The following ZFYVE16 variants were observed in gnomAD, a reference collection of about 807,000 sequenced individuals.
ZFYVE16 encodes zinc finger FYVE domain-containing protein 16.
In ZFYVE16, 89 loss-of-function variants were observed where a neutral mutation model predicts 138.1. The ratio of observed to expected loss-of-function variants is 0.64; its 90% confidence interval spans 0.54 to 0.77. The LOEUF is 0.77. ZFYVE16 is among the 30% of genes least tolerant of loss of function. The pLI is 0.00. For missense variants in ZFYVE16, 1,793 were observed against 1,786.7 expected (o/e 1.00, Z -0.06); for synonymous variants, 596 against 618.3 (o/e 0.96, Z 0.53).
At chr5:80,430,486 G>A (rs1420450103) in intron 2 of ZFYVE16, among the ~76,000 whole-genome samples, 1 of 151,822 alleles carries the variant, frequency 6.6e-6, no homozygotes, top group East Asian at 1.9e-4. Flanking sequence ...AGAGAAAGCA[G>A]GAAAGATCTA....
At chr5:80,475,236 G>GTT (rs1199506735) in intron 18 of ZFYVE16, among the ~76,000 whole-genome samples, 1 of 152,198 alleles carries the variant, frequency 6.6e-6, no homozygotes, top group Non-Finnish European at 1.5e-5. Flanking sequence ...TTATAGGTAG[G>GTT]TTTTTAAATT....
At chr5:80,454,954 C>T (rs1451197517) in intron 11 of ZFYVE16, 1 of 152,140 alleles carries the variant, frequency 6.6e-6, no homozygotes, top group Non-Finnish European at 1.5e-5. Flanking sequence ...AAACCTATAT[C>T]GTTCTAACCA....
chr5:80,428,165 G>A (rs144254613), intron 2 of ZFYVE16, among the ~76,000 whole-genome samples: 9,005 of 151,958 alleles, frequency 0.059, 476 homozygotes, highest in African/African-American at 0.14. Flanking sequence ...CTCCTCAAGT[G>A]GGTCCCTGAC....
chr5:80,465,398 T>G (rs1318978979), intron 15 of ZFYVE16, among the ~76,000 whole-genome samples: 1 of 121,850 alleles, frequency 8.2e-6, no homozygotes, highest in African/African-American at 3.0e-5. Context: ...TTCCTTTTCT[T>G]TGTTTTTTTT....
At chr5:80,462,737 A>G (rs896281983) in intron 15 of ZFYVE16, among the ~76,000 whole-genome samples, 9 of 152,212 alleles carry the variant, frequency 5.9e-5, no homozygotes, top group South Asian at 2.1e-4. Flanking sequence ...CCTTCTGCCT[A>G]TGAGCTTGTA....
At chr5:80,440,921 T>G in intron 5 of ZFYVE16, 4 of 985,364 alleles carry the variant, frequency 4.1e-6, no homozygotes, top group Non-Finnish European at 4.8e-6. Context: ...TCAGCAATTC[T>G]CCAAAAAGCT....
Position 80,438,150 on chromosome 5 carries a change from G to A in ZFYVE16, c.1465G>A (p.Val489Ile), listed in dbSNP as rs764575944. ...ESQEGLSGTH[V>I]PESSDCCEGF... ...TCAAGAGGGGCTTTCTGGCACTCATGTCCCAGAGTCTTCTGATTGTTGTGA... is the reference window on the plus strand; with the variant it reads ...TCAAGAGGGGCTTTCTGGCACTCATATCCCAGAGTCTTCTGATTGTTGTGA... The change falls in exon 4 of 19, where the codon GTC becomes ATC. Residue 489 changes from valine to isoleucine, a missense_variant. Coordinates refer to ENST00000505560, the MANE Select transcript of ZFYVE16 (RefSeq NM_001284236.3). 1.9e-6 allele frequency: 3 copies of A among 1,613,838 alleles called. No homozygotes were observed. The highest frequency in any genetic ancestry group is 1.6e-4 in the Middle Eastern group (1 of 6,084).
In ZFYVE16 at chr5:80,482,323, A is replaced by C. The variant is rs943539505; in HGVS notation, c.*4946A>C. On this transcript the variant is annotated 3_prime_UTR_variant, in exon 19 of 19. Transcript: ENST00000505560. The stretch of plus-strand genomic sequence containing the variant: ...TCAACACAATGAAGATGACTGAGGG[A>C]AGAGTCAGTAAATTTGAAGATACAT... 6.6e-6 allele frequency: 1 copy of C among 152,242 alleles called. No homozygotes were observed. Among genetic ancestry groups the C allele is most frequent in the Non-Finnish European group, 1.5e-5 (1 of 68,044 alleles). 9.4% of individuals were successfully genotyped at this position (152,242 alleles called of 1,614,324 possible).
rs1253661248 is a variant in ZFYVE16, at chr5:80,437,173, G to T, written c.488G>T (p.Gly163Val). 1.2e-6 allele frequency: 2 copies of T among 1,613,942 alleles called. No individual in the cohort carries two copies. Among genetic ancestry groups the T allele is most frequent in the Non-Finnish European group, 1.7e-6 (2 of 1,179,958 alleles). Reference protein sequence around the residue: ...DFKSNADSLIGLDLSSVSDTP... With the variant: ...DFKSNADSLIVLDLSSVSDTP... Reference sequence around the variant, plus strand: ...AAGTCTAATGCAGATTCCTTGATTGGATTGGATTTATCTTCAGTGTCAGAT... The same window carrying T: ...AAGTCTAATGCAGATTCCTTGATTGTATTGGATTTATCTTCAGTGTCAGAT... The change falls in exon 4 of 19, where the codon GGA (glycine) becomes GTA (valine). Residue 163 changes from glycine to valine, a missense_variant. Coordinates refer to ENST00000505560, the MANE Select transcript of ZFYVE16 (RefSeq NM_001284236.3).
rs149614183 is a variant in ZFYVE16 at position 80,436,849 on chromosome 5, T to C, written c.164T>C (p.Leu55Ser). The C allele has an allele frequency of 2.0e-4, 320 of 1,614,146 alleles. 1 individual carries two copies. The African/African-American group carries it at 3.7e-3, about 19-fold the overall frequency. ...TTGGCTTCCTCACAGCGAACTTCAT[T>C]GCTCCCAAAAGACCAAGAGTGCGTT... ...SELASSQRTSLLPKDQECVNS... is the reference protein window; with the variant it reads ...SELASSQRTSSLPKDQECVNS... The change falls in exon 4 of 19, where the codon TTG becomes TCG. Residue 55 changes from leucine to serine, a missense_variant. This residue lies in a region of ZFYVE16 where 1,295 missense variants were observed against 1,204.3 expected (regional missense o/e 1.08). Transcript: ENST00000505560.
intron 5 of ZFYVE16, chr5:80,440,484 A>G (rs1750545396): frequency 1.0e-6 from 1 of 985,520 alleles, no homozygotes; most frequent in Non-Finnish European, 1.2e-6. Flanking sequence ...AGGTGGTAAT[A>G]TTTATGATTT....
intron 15 of ZFYVE16, 33 bp from the exon 16 acceptor site, chr5:80,472,728 C>T (rs749142718): frequency 1.9e-6 from 3 of 1,598,908 alleles, no homozygotes; most frequent in African/African-American, 1.3e-5. Context: ...TGGTATTTGG[C>T]AAAAGAAATG....
At chr5:80,466,274 G>A (rs1753745660) in intron 15 of ZFYVE16, among the ~76,000 whole-genome samples, 1 of 152,106 alleles carries the variant, frequency 6.6e-6, no homozygotes, top group African/African-American at 2.4e-5. Flanking sequence ...CTGAGGGTCT[G>A]TTCATTTTTC....
At chr5:80,442,701 C>A (rs919537695) in intron 5 of ZFYVE16, among the ~76,000 whole-genome samples, 12 of 152,100 alleles carry the variant, frequency 7.9e-5, no homozygotes, top group African/African-American at 2.2e-4. Context: ...TCTTGTGAGC[C>A]ATTGTAACAA....
At chr5:80,436,730 C>A (rs368508680) in intron 3 of ZFYVE16, 26 bp from the exon 4 acceptor site, 2 of 1,554,506 alleles carry the variant, frequency 1.3e-6, no homozygotes, top group African/African-American at 2.8e-5. Flanking sequence ...TTAAGTCTCC[C>A]GAATAACACT....
intron 1 of ZFYVE16, among the ~76,000 whole-genome samples, chr5:80,412,676 A>G (rs763329771): frequency 6.6e-6 from 1 of 152,184 alleles, no homozygotes; most frequent in African/African-American, 2.4e-5. Flanking sequence ...GAATTCCATA[A>G]TTTATTTCTA....
rs370327813 is a variant in ZFYVE16 at position 80,469,096 on chromosome 5, T to C, written c.4025-3665T>C. Among the ~76,000 whole-genome samples, 700 of 143,932 alleles carry C rather than the reference T, an allele frequency of 4.9e-3. 5 individuals carry two copies. Among genetic ancestry groups the C allele is most frequent in the African/African-American group, 0.012 (452 of 38,204 alleles). 94.4% of individuals were successfully genotyped at this position (143,932 alleles called of 152,430 possible). ...CTTCTTATTTCTTTTCTTTCTCTCT[T>C]TTTTTTTTTTTTTTGAGACTCATTC... On this transcript the variant is annotated intron_variant, in intron 15 of 18. Transcript: ENST00000505560.
intron 15 of ZFYVE16, among the ~76,000 whole-genome samples, chr5:80,462,282 C>T (rs918571143): frequency 1.1e-4 from 16 of 152,140 alleles, no homozygotes; most frequent in South Asian, 4.1e-4. Context: ...CACAGTTCAG[C>T]GTGGCTGGGG....
In ZFYVE16 at chr5:80,437,616, G is replaced by A; in HGVS notation, c.931G>A (p.Asp311Asn). The change falls in exon 4 of 19, where the codon GAT (aspartate) becomes AAT (asparagine). Residue 311 changes from aspartate (D) to asparagine (N), a missense_variant. Physicochemically the swap from Asp to Asn is conservative, Grantham distance 23. Around this residue, in one of 2 missense-constraint regions of ZFYVE16, gnomAD observed 1,295 missense variants for 1,204.3 expected, o/e 1.08. Transcript: ENST00000505560. ...ALTCSLPKNEDLCLNDSNSRD... is the reference protein window; with the variant it reads ...ALTCSLPKNENLCLNDSNSRD... The stretch of plus-strand genomic sequence containing the variant: ...GACCTGCAGCCTTCCGAAAAATGAA[G>A]ATTTATGCTTAAATGATTCAAATTC... 1.9e-6 allele frequency: 3 copies of A among 1,612,514 alleles called. No individual in the cohort carries two copies. The highest frequency in any genetic ancestry group is 2.5e-6 in the Non-Finnish European group (3 of 1,179,540).
Sources: gnomAD v4.1 joint callset for allele counts (sites outside exome capture counted in the v4.1 genomes callset) on GRCh38, gnomAD v4.1.1 for gene constraint, gnomAD v4.1.1 regional missense constraint, MANE v1.5 for transcripts, NCBI Gene and HGNC (gene_info 2026-07-23, HGNC 2026-07-21) for gene names.